Variants in CYP1B1 observed in about 807,000 individuals in gnomAD.
The protein encoded by CYP1B1 is cytochrome P450 1B1.
A neutral mutation model predicts 29.9 loss-of-function variants in CYP1B1; 22 were observed. The observed-to-expected ratio is 0.74, with a 90% CI of 0.53 to 1.05. CYP1B1 has a LOEUF of 1.05. Ranked by LOEUF, CYP1B1 falls within the 50% of genes least tolerant of loss-of-function variation. The probability of loss-of-function intolerance (pLI) is 0.00; values close to 1 mark genes in which losing one functional copy is unlikely to be tolerated. For synonymous variants in CYP1B1, 375 were observed against 320.0 expected, an observed-to-expected ratio of 1.17 and a Z score of -1.83; for missense variants, 883 against 746.9, an observed-to-expected ratio of 1.18 and a Z score of -2.12.
chr2:38,073,651 G>GAT (rs1457887818), intron 2 of CYP1B1: 9 of 152,396 alleles, frequency 5.9e-5, no homozygotes, highest in Admixed American at 3.9e-4. Flanking sequence ...GCGCCTCCTG[G>GAT]ATATCCCATC....
At chr2:38,072,786 G>A (rs1462785406) in intron 2 of CYP1B1, among the ~76,000 whole-genome samples, 4 of 152,138 alleles carry the variant, frequency 2.6e-5, no homozygotes, top group Non-Finnish European at 5.9e-5. Context: ...TAGAGTGAAC[G>A]CAGCCATCGA....
chr2:38,068,472 T>C lies in CYP1B1; in HGVS notation c.*2250A>G, dbSNP rs938916002. 1.3e-5 allele frequency: 3 copies of C among 225,150 alleles called. No homozygotes were observed. Among genetic ancestry groups the C allele is most frequent in the African/African-American group, 2.2e-5 (1 of 44,800 alleles). 13.9% of individuals were successfully genotyped at this position (225,150 alleles called of 1,614,324 possible). A position where few individuals can be genotyped will look rare whatever the true frequency, so the allele number is the denominator to read the frequency against. On this transcript the variant is annotated 3_prime_UTR_variant, in exon 3 of 3. Transcript: ENST00000610745. ...TGAGGCATCCAGATTGGTTCATGAT[T>C]ATTTTTGCAGCTACACATTTCTCAA... is the stretch of plus-strand genomic sequence containing the variant.
Position 38,069,725 on chromosome 2 carries a change from T to C in CYP1B1, c.*997A>G. On this transcript the variant is annotated 3_prime_UTR_variant, in exon 3 of 3. Coordinates refer to ENST00000610745, the MANE Select transcript of CYP1B1 (RefSeq NM_000104.4). Reference sequence around the variant, plus strand: ...TTAGCACACTTGGTTGCGTTAGTTGTACTTTTCAATTTTCAATATTATACA... The same window carrying C: ...TTAGCACACTTGGTTGCGTTAGTTGCACTTTTCAATTTTCAATATTATACA... 5.0e-6 allele frequency: 1 copy of C among 200,490 alleles called. No homozygotes were observed. The highest frequency in any genetic ancestry group is 1.0e-5 in the Non-Finnish European group (1 of 97,318). The allele number at this position is 200,490 out of a possible 1,614,324, so 12.4% of individuals were successfully genotyped here. A position where few individuals can be genotyped will look rare whatever the true frequency, so the allele number is the denominator to read the frequency against.
chr2:38,075,150 C>G lies in CYP1B1; in HGVS notation c.239G>C (p.Arg80Pro), dbSNP rs899277811. Reference sequence around the variant, plus strand: ...GCGGATCTGGAAAACGTCGCCGTAGCGCCGCGCCAGGCGAGCGAACGAGAG... The same window carrying G: ...GCGGATCTGGAAAACGTCGCCGTAGGGCCGCGCCAGGCGAGCGAACGAGAG... ...AHLSFARLAR[R>P]YGDVFQIRLG... is the part of the protein sequence containing the mutation. Residue 80 changes from arginine to proline, a missense_variant, in exon 2 of 3, where the codon CGC becomes CCC. Coordinates refer to ENST00000610745, the MANE Select transcript of CYP1B1 (RefSeq NM_000104.4). 32 of 1,574,202 alleles carry G rather than the reference C, an allele frequency of 2.0e-5. No individual in the cohort carries two copies. In the Admixed American group the frequency reaches 4.3e-4, roughly 21 times the overall value.
At position 38,075,143 on chromosome 2, in the gene CYP1B1, G is replaced by T. The variant is rs751427341; in HGVS notation, c.246C>A (p.Gly82=). 1.9e-6 allele frequency: 3 copies of T among 1,574,322 alleles called. No individual in the cohort carries two copies. Among genetic ancestry groups the T allele is most frequent in the Non-Finnish European group, 2.6e-6 (3 of 1,167,844 alleles). ...TGCCCAGGCGGATCTGGAAAACGTC[G>T]CCGTAGCGCCGCGCCAGGCGAGCGA... ...LSFARLARRY[G]DVFQIRLGSC... Residue 82 remains glycine, a synonymous_variant, in exon 2 of 3, where the codon GGC becomes GGA. Transcript: ENST00000610745.
At position 38,070,586 on chromosome 2, in the gene CYP1B1, G is replaced by T; in HGVS notation, c.*136C>A. 1.2e-6 allele frequency: 1 copy of T among 804,632 alleles called. No individual in the cohort carries two copies. The highest frequency in any genetic ancestry group is 2.1e-6 in the Non-Finnish European group (1 of 484,854). 49.8% of individuals were successfully genotyped at this position (804,632 alleles called of 1,614,324 possible). A position where few individuals can be genotyped will look rare whatever the true frequency, so the allele number is the denominator to read the frequency against. ...GCTGGGTATGGAGCACACCTCACCTGATGGACAGTTGATTTATGCTCACCT... is the reference window on the plus strand; with the variant it reads ...GCTGGGTATGGAGCACACCTCACCTTATGGACAGTTGATTTATGCTCACCT... On this transcript the variant is annotated 3_prime_UTR_variant, in exon 3 of 3. Coordinates refer to ENST00000610745, the MANE Select transcript of CYP1B1 (RefSeq NM_000104.4).
At chr2:38,074,041 A>G in intron 2 of CYP1B1, 1 of 516,822 alleles carries the variant, frequency 1.9e-6, no homozygotes, top group Non-Finnish European at 3.5e-6. Flanking sequence ...CAAGCATTTA[A>G]AAACTCTTGT....
In CYP1B1 at chr2:38,068,164, G is replaced by A; in HGVS notation, c.*2558C>T. 1 of 212,880 alleles carries A rather than the reference G, an allele frequency of 4.7e-6. No homozygotes were observed. Among genetic ancestry groups the A allele is most frequent in the Non-Finnish European group, 9.5e-6 (1 of 105,030 alleles). 13.2% of individuals were successfully genotyped at this position (212,880 alleles called of 1,614,324 possible). A position where few individuals can be genotyped will look rare whatever the true frequency, so the allele number is the denominator to read the frequency against. ...AGTAAAACTTCTGACTTTAATGGTT[G>A]TCAGCAAATACATTCTCTCTCCGGT... On this transcript the variant is annotated 3_prime_UTR_variant, in exon 3 of 3. Transcript: ENST00000610745.
chr2:38,071,823 A>G (rs993925403), intron 2 of CYP1B1, among the ~76,000 whole-genome samples: 4 of 152,198 alleles, frequency 2.6e-5, no homozygotes, highest in African/African-American at 9.7e-5. Flanking sequence ...TTTTTATAGT[A>G]TAAGGAATCT....
In CYP1B1 at chr2:38,070,732, G is replaced by C. The variant is rs1292006331; in HGVS notation, c.1622C>G (p.Thr541Ser). 9 of 1,614,166 alleles carry C rather than the reference G, an allele frequency of 5.6e-6. No individual in the cohort carries two copies. The highest frequency in any genetic ancestry group is 1.1e-5 in the South Asian group (1 of 91,086). The change falls in exon 3 of 3, where the codon ACT becomes AGT. Residue 541 changes from threonine (T) to serine (S), a missense_variant. By Grantham distance (58) the Thr-to-Ser change is moderately conservative. Transcript: ENST00000610745. ...SAVQNLQAKETCQ is the reference protein window; with the variant it reads ...SAVQNLQAKESCQ ...CTTGCCTCTTGCTTCTTATTGGCAA[G>C]TTTCCTTGGCTTGTAAATTTTGGAC...
chr2:38,071,570 A>G (rs1251022169), intron 2 of CYP1B1, among the ~76,000 whole-genome samples: 6 of 151,940 alleles, frequency 3.9e-5, no homozygotes, highest in Non-Finnish European at 5.9e-5. Context: ...AAGTCAAAAA[A>G]CTCTTAAGTT....
chr2:38,074,582 G>A lies in CYP1B1; in HGVS notation c.807C>T (p.Ser269=), dbSNP rs72481805. The A allele has an allele frequency of 3.7e-6, 6 of 1,612,146 alleles. No individual in the cohort carries two copies. Among genetic ancestry groups the A allele is most frequent in the African/African-American group, 1.3e-5 (1 of 75,060 alleles). ...TCAAGAACTTGTCCAGGATGAAGTTGCTGAAGTTGCGGTTGAGCTGCTCGA... is the reference window on the plus strand; with the variant it reads ...TCAAGAACTTGTCCAGGATGAAGTTACTGAAGTTGCGGTTGAGCTGCTCGA... ...REFEQLNRNF[S]NFILDKFLRH... The change falls in exon 2 of 3, where the codon AGC becomes AGT. Residue 269 remains serine (S), a synonymous_variant. Coordinates refer to ENST00000610745, the MANE Select transcript of CYP1B1 (RefSeq NM_000104.4).
Position 38,071,167 on chromosome 2 carries a change from G to T in CYP1B1, c.1187C>A (p.Pro396His). The T allele has an allele frequency of 6.2e-7, 1 of 1,613,922 alleles. No individual in the cohort carries two copies. The highest frequency in any genetic ancestry group is 2.2e-5 in the East Asian group (1 of 44,878). Residue 396 changes from proline (P) to histidine (H), a missense_variant, in exon 3 of 3, where the codon CCT (proline) becomes CAT (histidine). Pro to His is a moderately conservative substitution (Grantham distance 77). Coordinates refer to ENST00000610745, the MANE Select transcript of CYP1B1 (RefSeq NM_000104.4). ...YEAMRFSSFVPVTIPHATTAN... is the reference protein window; with the variant it reads ...YEAMRFSSFVHVTIPHATTAN... ...AGTGGTGGCATGAGGAATAGTGACA[G>T]GCACAAAGCTGGAGAAGCGCATGGC...
rs895878594 is a variant in CYP1B1, at chr2:38,075,320, G to A, written c.69C>T (p.Leu23=). Residue 23 remains leucine, a synonymous_variant, in exon 2 of 3, where the codon CTC becomes CTT. Transcript: ENST00000610745. ...TGGCCAGCACCGACAGGAGTAGCAG[G>A]AGCGTGGTCTGCTGGATGGACAGCG... The part of the protein sequence containing the change: ...LNPLSIQQTT[L]LLLLSVLATV... The A allele has an allele frequency of 1.9e-6, 3 of 1,612,644 alleles. No homozygotes were observed. The African/African-American group carries it at 4.0e-5, about 22-fold the overall frequency.
intron 2 of CYP1B1, among the ~76,000 whole-genome samples, chr2:38,072,875 T>C (rs1450799495): frequency 1.4e-5 from 2 of 142,982 alleles, no homozygotes; most frequent in Non-Finnish European, 3.0e-5. Context: ...CCAAGCCCTG[T>C]CATACGTCTT....
rs138583950 is a variant in CYP1B1, at chr2:38,068,072, T to C, written c.*2650A>G. 5.6e-4 allele frequency: 113 copies of C among 203,144 alleles called. 1 individual carries two copies. Among genetic ancestry groups the C allele is most frequent in the African/African-American group, 2.4e-3 (105 of 43,762 alleles). The allele number at this position is 203,144 out of a possible 1,614,324, so 12.6% of individuals were successfully genotyped here. On this transcript the variant is annotated 3_prime_UTR_variant, in exon 3 of 3. Coordinates refer to ENST00000610745, the MANE Select transcript of CYP1B1 (RefSeq NM_000104.4). ...GTTTTGGAAAAAAGCAATTTGCTTA[T>C]AGAGTCAAAGCTTTGACATACAAAT...
rs1330269956 is a variant in CYP1B1, at chr2:38,071,236, C to T, written c.1118G>A (p.Gly373Asp). The part of the protein sequence containing the change: ...VVGRDRLPCM[G>D]DQPNLPYVLA... ...GACATAGGGCAGGTTGGGCTGGTCA[C>T]CCATACAAGGCAGACGGTCCCTCCC... The change falls in exon 3 of 3, where the codon GGT (glycine) becomes GAT (aspartate). Residue 373 changes from glycine (G) to aspartate (D), a missense_variant. Physicochemically the swap from Gly to Asp is moderately conservative, Grantham distance 94. Transcript: ENST00000610745. The T allele has an allele frequency of 6.2e-7, 1 of 1,613,190 alleles. No homozygotes were observed. Among genetic ancestry groups the T allele is most frequent in the African/African-American group, 1.3e-5 (1 of 75,034 alleles).
Position 38,074,387 on chromosome 2 carries a change from G to A in CYP1B1, c.1002C>T (p.Thr334=). The A allele has an allele frequency of 1.9e-6, 3 of 1,613,642 alleles. No homozygotes were observed. Among genetic ancestry groups the A allele is most frequent in the Middle Eastern group, 3.3e-4 (2 of 6,054 alleles). Reference sequence around the variant, plus strand: ...GCAGCCACTGCAGCGCGGTGGACAGGGTGTCCTGGCTGGCGCCGAAGATGT... The same window carrying A: ...GCAGCCACTGCAGCGCGGTGGACAGAGTGTCCTGGCTGGCGCCGAAGATGT... ...ITDIFGASQD[T]LSTALQWLLL... Residue 334 remains threonine, a synonymous_variant, in exon 2 of 3, where the codon ACC becomes ACT. Transcript: ENST00000610745.
Position 38,074,768 on chromosome 2 carries a change from G to C in CYP1B1, c.621C>G (p.Ala207=). 6.3e-7 allele frequency: 1 copy of C among 1,597,564 alleles called. No individual in the cohort carries two copies. Among genetic ancestry groups the C allele is most frequent in the Non-Finnish European group, 8.5e-7 (1 of 1,172,524 alleles). Reference sequence around the variant, plus strand: ...GGCTGTAGCGGCAGCCGAAACACACGGCACTCATGACGTTGGCCACGGCCA... The same window carrying C: ...GGCTGTAGCGGCAGCCGAAACACACCGCACTCATGACGTTGGCCACGGCCA... The part of the protein sequence containing the change: ...TVVAVANVMS[A]VCFGCRYSHD... The change falls in exon 2 of 3, where the codon GCC becomes GCG. Residue 207 remains alanine (A), a synonymous_variant. Coordinates refer to ENST00000610745, the MANE Select transcript of CYP1B1 (RefSeq NM_000104.4).
Sources: gnomAD v4.1 joint callset for allele counts (sites outside exome capture counted in the v4.1 genomes callset) on GRCh38, gnomAD v4.1.1 for gene constraint, MANE v1.5 for transcripts, NCBI Gene and HGNC (gene_info 2026-07-23, HGNC 2026-07-21) for gene names.